Variants in OPHN1 observed in about 807,000 individuals in gnomAD.
The protein encoded by OPHN1 is oligophrenin-1.
Under a neutral mutation model 60.7 loss-of-function variants are expected in OPHN1, and 11 were observed. The ratio of observed to expected loss-of-function variants is 0.18; its 90% CI spans 0.11 to 0.30. OPHN1 has a LOEUF of 0.30. Among genes scored for constraint, OPHN1 ranks in the 10% least tolerant of loss-of-function variants. OPHN1 has a pLI of 1.00. For synonymous variants in OPHN1, 226 were observed against 222.6 expected, an observed-to-expected ratio of 1.02 and a Z score of -0.14; for missense variants, 449 against 611.0, an observed-to-expected ratio of 0.73 and a Z score of 2.80.
At chrX:68,379,328 G>A (rs1427663059) in intron 2 of OPHN1, among the ~76,000 whole-genome samples, 1 of 111,399 alleles carries the variant, frequency 9.0e-6, no homozygotes, top group African/African-American at 3.3e-5. Context: ...GGAGATTTTG[G>A]GCTAAGACAG....
At chrX:68,370,558 C>T (rs1450652787) in intron 2 of OPHN1, among the ~76,000 whole-genome samples, 1 of 109,450 alleles carries the variant, frequency 9.1e-6, no homozygotes, top group Non-Finnish European at 1.9e-5. Context: ...CACATTAAGA[C>T]ATAAGGATCT....
At chrX:68,408,764 C>T (rs1403919908) in intron 2 of OPHN1, among the ~76,000 whole-genome samples, 2 of 112,639 alleles carry the variant, frequency 1.8e-5, no homozygotes, top group African/African-American at 3.2e-5. Flanking sequence ...GAATTCGAGA[C>T]CAGCCTGGCC....
chrX:68,365,818 C>G (rs1325307491), intron 2 of OPHN1, among the ~76,000 whole-genome samples: 2 of 97,148 alleles, frequency 2.1e-5, no homozygotes, highest in Admixed American at 1.1e-4. Flanking sequence ...CAATTATTCC[C>G]TTTTTTTTTT....
intron 6 of OPHN1, among the ~76,000 whole-genome samples, chrX:68,227,349 G>A (rs752325020): frequency 3.6e-5 from 4 of 110,615 alleles, no homozygotes; most frequent in Non-Finnish European, 7.6e-5. Context: ...ACAGATCAAC[G>A]AGACAGAAAG....
intron 3 of OPHN1, among the ~76,000 whole-genome samples, chrX:68,295,155 G>A (rs1001667104): frequency 8.9e-6 from 1 of 111,989 alleles, no homozygotes; most frequent in Admixed American, 9.5e-5. Context: ...AGATCCTCAG[G>A]TGACTCGGAT....
At chrX:68,059,004 G>T (rs2076883555) in intron 21 of OPHN1, among the ~76,000 whole-genome samples, 1 of 111,771 alleles carries the variant, frequency 8.9e-6, no homozygotes, top group Admixed American at 9.5e-5. Flanking sequence ...GGTTCAGAGA[G>T]GTTGTAACCT....
intron 2 of OPHN1, among the ~76,000 whole-genome samples, chrX:68,320,584 C>T (rs971073292): frequency 1.8e-4 from 20 of 110,476 alleles, no homozygotes; most frequent in African/African-American, 6.6e-4. Context: ...CAACAATCAA[C>T]ATGCATGACT....
intron 20 of OPHN1, among the ~76,000 whole-genome samples, chrX:68,067,478 TG>T (rs1024581889): frequency 1.8e-5 from 2 of 108,827 alleles, no homozygotes; most frequent in African/African-American, 6.7e-5. Flanking sequence ...ACAATGATTT[TG>T]GGGGGCAGAG....
At chrX:68,228,769 A>C (rs1046584368) in intron 6 of OPHN1, among the ~76,000 whole-genome samples, 2 of 111,226 alleles carry the variant, frequency 1.8e-5, no homozygotes, top group African/African-American at 6.5e-5. Context: ...TCTCAAAATA[A>C]TAAGAGCTAT....
At chrX:68,151,837 A>C (rs931562047) in intron 15 of OPHN1, among the ~76,000 whole-genome samples, 2 of 111,734 alleles carry the variant, frequency 1.8e-5, no homozygotes, top group African/African-American at 6.5e-5. Context: ...TAGGTAATTT[A>C]TAAAGAAAAG....
chrX:68,167,510 T>C (rs989085181), intron 15 of OPHN1, among the ~76,000 whole-genome samples: 2 of 110,174 alleles, frequency 1.8e-5, no homozygotes, highest in Non-Finnish European at 3.8e-5. Flanking sequence ...TATATGTGTG[T>C]ATATATGTGT....
Position 68,273,406 on chromosome X carries a change from C to T in OPHN1, c.384+1332G>A, listed in dbSNP as rs139086398. Among the ~76,000 whole-genome samples the T allele has an allele frequency of 9.0e-5, 10 of 111,608 alleles. No homozygotes were observed. The Admixed American group carries it at 9.6e-4, about 11-fold the overall frequency. ...GCTCATGAAACAGACCTACACCTAG[C>T]TGAAAAGATTAAAAATGAAAATTAT... On this transcript the variant is annotated intron_variant, in intron 5 of 24. Coordinates refer to ENST00000355520, the MANE Select transcript of OPHN1 (RefSeq NM_002547.3).
At chrX:68,272,077 G>A (rs1344882376) in intron 5 of OPHN1, among the ~76,000 whole-genome samples, 3 of 109,378 alleles carry the variant, frequency 2.7e-5, no homozygotes, top group Admixed American at 9.9e-5. Flanking sequence ...AAGGAAAGAT[G>A]CTTAAAGAAA....
chrX:68,090,629 C>A (rs763622748), intron 19 of OPHN1, among the ~76,000 whole-genome samples: 1 of 110,682 alleles, frequency 9.0e-6, no homozygotes, highest in East Asian at 2.9e-4. Flanking sequence ...TACATTGCTA[C>A]GACATGGGCT....
At chrX:68,363,222 G>A (rs1419203183) in intron 2 of OPHN1, among the ~76,000 whole-genome samples, 1 of 110,187 alleles carries the variant, frequency 9.1e-6, no homozygotes, top group Non-Finnish European at 1.9e-5. Flanking sequence ...ACTCCAGCCT[G>A]GGCAATAGAG....
At chrX:68,201,803 C>T (rs1353338892) in intron 10 of OPHN1, 93 bp from the exon 11 acceptor site, 15 of 723,184 alleles carry the variant, frequency 2.1e-5, no homozygotes, top group South Asian at 1.9e-4. Context: ...ACTTGGAAGG[C>T]GTCTGGTCAA....
intron 15 of OPHN1, among the ~76,000 whole-genome samples, chrX:68,184,287 C>T (rs147096424): frequency 0.048 from 5,324 of 111,317 alleles, 321 homozygotes; most frequent in African/African-American, 0.17. Context: ...TTTGGGAGGC[C>T]GAGGCTGGCA....
chrX:68,084,127 T>A (rs2076985833), intron 19 of OPHN1, among the ~76,000 whole-genome samples: 1 of 110,199 alleles, frequency 9.1e-6, no homozygotes, highest in Non-Finnish European at 1.9e-5. Context: ...ACATTCAAAT[T>A]GTTTTTAAAA....
chrX:68,131,396 A>G (rs759812995), intron 15 of OPHN1, among the ~76,000 whole-genome samples: 4 of 109,318 alleles, frequency 3.7e-5, no homozygotes, highest in Non-Finnish European at 7.6e-5. Flanking sequence ...TTGTATTTTT[A>G]GTGGAGACGG....
Sources: gnomAD v4.1 joint callset for allele counts (sites outside exome capture counted in the v4.1 genomes callset) on GRCh38, gnomAD v4.1.1 for gene constraint, MANE v1.5 for transcripts, NCBI Gene and HGNC (gene_info 2026-07-23, HGNC 2026-07-21) for gene names.